The following MDGA2 variants were observed in gnomAD, a reference collection of about 807,000 sequenced individuals.
MDGA2 encodes the protein MAM domain-containing glycosylphosphatidylinositol anchor protein 2.
MDGA2 carries 40 observed loss-of-function variants against 117.8 expected under a neutral mutation model. That is an observed-to-expected ratio of 0.34 (90% CI 0.26 to 0.44). The LOEUF (loss-of-function observed/expected upper bound fraction) is 0.44. Ranked by LOEUF, MDGA2 falls within the 20% of genes least tolerant of loss-of-function variation. The probability of loss-of-function intolerance (pLI) is 1.00; values close to 1 mark genes in which losing one functional copy is unlikely to be tolerated. For synonymous variants in MDGA2, 452 were observed against 439.0 expected, an observed-to-expected ratio of 1.03 and a Z score of -0.37; for missense variants, 1,123 against 1,250.6, an observed-to-expected ratio of 0.90 and a Z score of 1.54.
intron 2 of MDGA2, among the ~76,000 whole-genome samples, chr14:47,277,056 A>T (rs890314603): frequency 5.9e-5 from 9 of 152,108 alleles, no homozygotes; most frequent in Non-Finnish European, 1.2e-4. Flanking sequence ...ACTCAAATCT[A>T]CAAGGGACAG....
chr14:46,921,616 C>T (rs1008592629), intron 9 of MDGA2, among the ~76,000 whole-genome samples: 1 of 71,982 alleles, frequency 1.4e-5, no homozygotes, highest in Non-Finnish European at 2.8e-5. Flanking sequence ...CAGGCCCTGT[C>T]AAAAAAAAAA....
chr14:46,850,455 T>C (rs576040786), intron 15 of MDGA2, among the ~76,000 whole-genome samples: 8 of 151,920 alleles, frequency 5.3e-5, no homozygotes, highest in Admixed American at 2.6e-4. Flanking sequence ...AGTTTCTTCC[T>C]GACAAAAGGC....
chr14:46,900,635 T>C (rs766415365), intron 10 of MDGA2, among the ~76,000 whole-genome samples: 4 of 152,188 alleles, frequency 2.6e-5, no homozygotes, highest in Non-Finnish European at 5.9e-5. Flanking sequence ...TAATTCCATT[T>C]CTGTAACAAC....
rs1323810576 is a variant in MDGA2 at position 47,674,903 on chromosome 14, C to T, written c.-107G>A. Reference sequence around the variant, plus strand: ...ACCGGGTGCCTGGGAAAATCGCAGACGCCGGGGAGGAGCAGGGGGCGGTGA... The same window carrying T: ...ACCGGGTGCCTGGGAAAATCGCAGATGCCGGGGAGGAGCAGGGGGCGGTGA... On this transcript the variant is annotated 5_prime_UTR_variant, in exon 1 of 17. Transcript: ENST00000399232. 3 of 538,334 alleles carry T rather than the reference C, an allele frequency of 5.6e-6. No homozygotes were observed. Among genetic ancestry groups the T allele is most frequent in the Admixed American group, 4.1e-5 (1 of 24,320 alleles). 33.3% of individuals were successfully genotyped at this position (538,334 alleles called of 1,614,324 possible). A position where few individuals can be genotyped will look rare whatever the true frequency, so the allele number is the denominator to read the frequency against.
intron 2 of MDGA2, among the ~76,000 whole-genome samples, chr14:47,294,864 T>G (rs1289799665): frequency 6.6e-6 from 1 of 152,204 alleles, no homozygotes; most frequent in African/African-American, 2.4e-5. Context: ...AGATTACCAT[T>G]TGAGAATCTG....
Position 47,127,599 on chromosome 14 carries a change from T to G in MDGA2, c.925+4115A>C, listed in dbSNP as rs140817783. Among the ~76,000 whole-genome samples, 7 of 152,278 alleles carry G rather than the reference T, an allele frequency of 4.6e-5. 1 individual carries two copies. The East Asian group carries it at 1.2e-3, about 25-fold the overall frequency. ...CTTACCATAATTCTAATACTCATTT[T>G]GCAGTGAACATCAATCAAAAACTTT... is the stretch of plus-strand genomic sequence containing the variant. On this transcript the variant is annotated intron_variant, in intron 5 of 16. Coordinates refer to ENST00000399232, the MANE Select transcript of MDGA2 (RefSeq NM_001113498.3).
intron 1 of MDGA2, among the ~76,000 whole-genome samples, chr14:47,312,677 G>GTTTTTTTTTTTT (rs202227321): frequency 1.0e-4 from 13 of 126,766 alleles, no homozygotes; most frequent in African/African-American, 3.6e-4. Flanking sequence ...CTAGTTTTTA[G>GTTTTTTTTTTTT]TTTTTTTTTT....
At chr14:46,986,226 A>G (rs564257666) in intron 8 of MDGA2, among the ~76,000 whole-genome samples, 411 of 152,208 alleles carry the variant, frequency 2.7e-3, no homozygotes, top group Non-Finnish European at 4.9e-3. Context: ...TTCTCAATTC[A>G]AGAACAGTGT....
chr14:47,381,145 C>T (rs537256781), intron 1 of MDGA2, among the ~76,000 whole-genome samples: 74 of 152,204 alleles, frequency 4.9e-4, no homozygotes, highest in Middle Eastern at 3.4e-3. Context: ...AAAAGGCCTT[C>T]GACAAAATTC....
At chr14:46,868,785 A>G (rs74331595) in intron 14 of MDGA2, among the ~76,000 whole-genome samples, 3,502 of 151,376 alleles carry the variant, frequency 0.023, 52 homozygotes, top group Middle Eastern at 0.034. Flanking sequence ...CCCATTTACC[A>G]CTCTCCTAAA....
intron 1 of MDGA2, among the ~76,000 whole-genome samples, chr14:47,495,208 G>A (rs2138662177): frequency 6.6e-6 from 1 of 152,122 alleles, no homozygotes; most frequent in Middle Eastern, 3.4e-3. Context: ...ATAAGTGGGA[G>A]TAAATAATGC....
rs145551367 is a variant in MDGA2, at chr14:47,611,721, G to A, written c.280+62796C>T. On this transcript the variant is annotated intron_variant, in intron 1 of 16. Transcript: ENST00000399232. ...AAAAAAACAGTAGGCATTCAGTTCT[G>A]ATGTTACGTTTGAGATGTTCCCAAT... Among the ~76,000 whole-genome samples the A allele has an allele frequency of 3.8e-4, 58 of 152,196 alleles. 3 individuals are homozygous for A. The highest frequency in any genetic ancestry group is 1.3e-3 in the African/African-American group (54 of 41,560).
intron 1 of MDGA2, among the ~76,000 whole-genome samples, chr14:47,499,794 C>T (rs1214429573): frequency 2.6e-5 from 4 of 152,112 alleles, no homozygotes; most frequent in African/African-American, 7.2e-5. Flanking sequence ...CACTGCGATT[C>T]CATGCTTGAG....
At chr14:46,969,716 T>C (rs970839350) in intron 8 of MDGA2, among the ~76,000 whole-genome samples, 5 of 151,356 alleles carry the variant, frequency 3.3e-5, no homozygotes, top group Non-Finnish European at 5.9e-5. Flanking sequence ...TTCACTCTGA[T>C]GGTAGGGAAT....
intron 1 of MDGA2, among the ~76,000 whole-genome samples, chr14:47,666,674 AG>A (rs1897975975): frequency 6.6e-6 from 1 of 152,226 alleles, no homozygotes; most frequent in African/African-American, 2.4e-5. Context: ...AGGGAATAAA[AG>A]CAGGCTGCCT....
At chr14:47,469,338 A>AT (rs1353265609) in intron 1 of MDGA2, among the ~76,000 whole-genome samples, 1 of 151,994 alleles carries the variant, frequency 6.6e-6, no homozygotes, top group Non-Finnish European at 1.5e-5. Flanking sequence ...CTGGTGTGTG[A>AT]GTTCCCCTTC....
chr14:46,971,616 T>C (rs1288192828), intron 8 of MDGA2, among the ~76,000 whole-genome samples: 1 of 151,970 alleles, frequency 6.6e-6, no homozygotes, highest in East Asian at 1.9e-4. Context: ...TACAGTTAGA[T>C]AGAAGACATA....
Position 46,841,151 on chromosome 14 carries a change from G to A in MDGA2, c.*780C>T, listed in dbSNP as rs1007894330. On this transcript the variant is annotated 3_prime_UTR_variant, in exon 17 of 17. Coordinates refer to ENST00000399232, the MANE Select transcript of MDGA2 (RefSeq NM_001113498.3). ...GGCAATTTATAAAAGATGGTGGTTT[G>A]GTTTCTTCATTGGAACAGATGACGT... 2.6e-5 allele frequency: 4 copies of A among 152,540 alleles called. No individual in the cohort carries two copies. The highest frequency in any genetic ancestry group is 5.9e-5 in the Non-Finnish European group (4 of 68,024). 9.4% of individuals were successfully genotyped at this position (152,540 alleles called of 1,614,324 possible).
At chr14:47,417,885 T>TA (rs903747497) in intron 1 of MDGA2, among the ~76,000 whole-genome samples, 24 of 152,016 alleles carry the variant, frequency 1.6e-4, no homozygotes, top group African/African-American at 5.8e-4. Flanking sequence ...GGCATATTTC[T>TA]AAATTTTTTA....
Sources: allele counts gnomAD v4.1 joint callset (sites outside exome capture counted in the v4.1 genomes callset), GRCh38; gene constraint gnomAD v4.1.1; transcripts MANE v1.5; gene names NCBI Gene and HGNC (gene_info 2026-07-23, HGNC 2026-07-21).